EYS: variants seen among roughly 807,000 people sequenced by gnomAD.
EYS encodes protein eyes shut homolog.
A neutral mutation model predicts 282.1 loss-of-function variants in EYS; 250 were observed. That is an observed-to-expected ratio of 0.89 (90% CI 0.80 to 0.98). The LOEUF (loss-of-function observed/expected upper bound fraction) is 0.98, where lower values mean the gene tolerates loss of function less well. EYS is among the 50% of genes least tolerant of loss of function. EYS has a pLI of 0.00. For synonymous variants in EYS, 1,355 were observed against 1,282.9 expected, an observed-to-expected ratio of 1.06 and a Z score of -1.20; for missense variants, 4,016 against 3,709.0, an observed-to-expected ratio of 1.08 and a Z score of -2.15.
chr6:64,233,371 G>T (rs1459916950), intron 30 of EYS, among the ~76,000 whole-genome samples: 2 of 151,974 alleles, frequency 1.3e-5, no homozygotes, highest in African/African-American at 4.8e-5. Context: ...AAATTTACTT[G>T]TTTTAAAATT....
intron 5 of EYS, among the ~76,000 whole-genome samples, chr6:65,475,900 T>C (rs1272005873): frequency 6.6e-6 from 1 of 152,034 alleles, no homozygotes; most frequent in African/African-American, 2.4e-5. Context: ...AAATAAGGAA[T>C]ATTACAGAAC....
At chr6:65,550,053 T>G (rs1053171163) in intron 2 of EYS, among the ~76,000 whole-genome samples, 13 of 151,148 alleles carry the variant, frequency 8.6e-5, no homozygotes, top group African/African-American at 2.9e-4. Flanking sequence ...TTTTGTCCAC[T>G]CCCATCCATT....
chr6:65,617,193 C>T (rs1766233682), intron 2 of EYS, among the ~76,000 whole-genome samples: 1 of 151,782 alleles, frequency 6.6e-6, no homozygotes, highest in South Asian at 2.1e-4. Context: ...GAAATGTTGA[C>T]CTGGAGAAAA....
At chr6:63,956,497 G>T (rs767291059) in intron 35 of EYS, among the ~76,000 whole-genome samples, 1 of 152,148 alleles carries the variant, frequency 6.6e-6, no homozygotes, top group East Asian at 1.9e-4. Context: ...CTGTTTGGTG[G>T]TCTCTTCACA....
chr6:64,552,885 C>T (rs757951088), intron 26 of EYS, among the ~76,000 whole-genome samples: 1 of 151,990 alleles, frequency 6.6e-6, no homozygotes, highest in Non-Finnish European at 1.5e-5. Flanking sequence ...CGCCATTGCA[C>T]TCCAGCCTGG....
In EYS at chr6:65,533,721, G is replaced by A. The variant is rs563525366; in HGVS notation, c.-332-37728C>T. On this transcript the variant is annotated intron_variant, in intron 2 of 42. Transcript: ENST00000503581. The stretch of plus-strand genomic sequence containing the variant: ...GACACATAGAAGATGCCATCTATAA[G>A]AAACAGGCTTTCACCACATATGGAG... 1.4e-4 allele frequency among the ~76,000 whole-genome samples: 22 copies of A among 152,196 alleles called. No individual in the cohort carries two copies. The South Asian group carries it at 4.1e-3, about 29-fold the overall frequency.
At chr6:65,231,298 T>G (rs1020535058) in intron 12 of EYS, among the ~76,000 whole-genome samples, 2 of 150,340 alleles carry the variant, frequency 1.3e-5, no homozygotes, top group Admixed American at 6.7e-5. Context: ...GTGTATTAGA[T>G]CAGAAAAAAT....
At chr6:64,947,759 C>T (rs1769339180) in intron 14 of EYS, among the ~76,000 whole-genome samples, 1 of 150,422 alleles carries the variant, frequency 6.6e-6, no homozygotes, top group Non-Finnish European at 1.5e-5. Flanking sequence ...AGCAATTCCA[C>T]AATAGTCAAG....
At chr6:64,524,844 C>A (rs539784604) in intron 26 of EYS, among the ~76,000 whole-genome samples, 1 of 151,542 alleles carries the variant, frequency 6.6e-6, no homozygotes, top group African/African-American at 2.4e-5. Flanking sequence ...ATTATGGTAC[C>A]ACCACTTAAA....
At chr6:64,193,973 G>A (rs933541454) in intron 31 of EYS, among the ~76,000 whole-genome samples, 2 of 152,164 alleles carry the variant, frequency 1.3e-5, no homozygotes, top group South Asian at 4.1e-4. Context: ...GTGTGCATGT[G>A]TCTTTATAGC....
At chr6:64,139,639 G>A (rs1774274763) in intron 31 of EYS, among the ~76,000 whole-genome samples, 1 of 152,034 alleles carries the variant, frequency 6.6e-6, no homozygotes, top group Non-Finnish European at 1.5e-5. Flanking sequence ...AGCAGAGATG[G>A]CATAGAGTTA....
intron 12 of EYS, among the ~76,000 whole-genome samples, chr6:65,257,171 C>T (rs1767491751): frequency 1.7e-5 from 1 of 59,896 alleles, no homozygotes; most frequent in Non-Finnish European, 3.1e-5. Flanking sequence ...TGGATATTAG[C>T]CCTTTGTCAG....
At chr6:64,499,066 A>G (rs932561169) in intron 26 of EYS, among the ~76,000 whole-genome samples, 2 of 152,160 alleles carry the variant, frequency 1.3e-5, no homozygotes, top group Admixed American at 1.3e-4. Context: ...GAACTAATTT[A>G]CACTCCCACC....
intron 11 of EYS, chr6:65,331,597 G>A (rs60866302): frequency 0.035 from 33,733 of 975,438 alleles, 1,134 homozygotes; most frequent in African/African-American, 0.16. Context: ...ATTTATCCAA[G>A]ATTCTCTGGA....
chr6:65,330,077 A>G (rs762581371), intron 11 of EYS: 29 of 983,456 alleles, frequency 2.9e-5, no homozygotes, highest in Non-Finnish European at 3.4e-5. Context: ...GTATGTTCAG[A>G]AAGTGAAAAA....
chr6:65,040,914 G>A (rs546581273), intron 13 of EYS, among the ~76,000 whole-genome samples: 1 of 151,702 alleles, frequency 6.6e-6, no homozygotes, highest in African/African-American at 2.4e-5. Context: ...TGCTCAATAA[G>A]GAAATTAAAC....
At chr6:65,266,977 C>CAT (rs1308194470) in intron 12 of EYS, among the ~76,000 whole-genome samples, 72 of 143,302 alleles carry the variant, frequency 5.0e-4, no homozygotes, top group African/African-American at 1.1e-3. Context: ...CATACCTTGA[C>CAT]ATATATATAT....
At chr6:65,616,800 AAAGT>A (rs1418877262) in intron 2 of EYS, among the ~76,000 whole-genome samples, 5 of 152,102 alleles carry the variant, frequency 3.3e-5, no homozygotes, top group Non-Finnish European at 7.4e-5. Context: ...ACAAAAAAAA[AAAGT>A]AAGCCTTTAT....
chr6:64,549,735 T>C (rs1387647582), intron 26 of EYS, among the ~76,000 whole-genome samples: 1 of 27,970 alleles, frequency 3.6e-5, no homozygotes, highest in African/African-American at 1.8e-4. Flanking sequence ...CATGAAATCT[T>C]TTTTTTTTTT....
Sources: gnomAD v4.1 joint callset for allele counts (sites outside exome capture counted in the v4.1 genomes callset) on GRCh38, gnomAD v4.1.1 for gene constraint, MANE v1.5 for transcripts, NCBI Gene and HGNC (gene_info 2026-07-23, HGNC 2026-07-21) for gene names.